ARMC10: variants seen among roughly 807,000 people sequenced by gnomAD.
ARMC10 encodes armadillo repeat containing 10.
Under a neutral mutation model 30.2 loss-of-function variants are expected in ARMC10, and 23 were observed. The ratio of observed to expected loss-of-function variants is 0.76; its 90% CI spans 0.55 to 1.08. The LOEUF is 1.08. Ranked by LOEUF, ARMC10 falls within the 50% of genes least tolerant of loss-of-function variation. The pLI is 0.00. For synonymous variants in ARMC10, 111 were observed against 164.4 expected, an observed-to-expected ratio of 0.68 and a Z score of 2.48; for missense variants, 303 against 413.7, an observed-to-expected ratio of 0.73 and a Z score of 2.32.
chr7:103,083,558 C>A, intron 2 of ARMC10, 124 bp from the exon 3 acceptor site: 1 of 804,580 alleles, frequency 1.2e-6, no homozygotes, highest in Non-Finnish European at 1.9e-6. Context: ...CCCAGGAGAT[C>A]AAGGTTGTAG....
At chr7:103,097,496 G>GAA in intron 6 of ARMC10, 148 bp downstream of exon 6, 1 of 516,780 alleles carries the variant, frequency 1.9e-6, no homozygotes, top group Non-Finnish European at 3.2e-6. Flanking sequence ...CATTTTGTAT[G>GAA]TGTAAATTTC....
chr7:103,089,917 A>G (rs956307624), intron 4 of ARMC10, among the ~76,000 whole-genome samples: 1 of 152,244 alleles, frequency 6.6e-6, no homozygotes, highest in African/African-American at 2.4e-5. Context: ...AAGGAAGGAT[A>G]AGGCAAGTCC....
At chr7:103,084,613 C>T (rs1032815049) in intron 3 of ARMC10, among the ~76,000 whole-genome samples, 9 of 152,124 alleles carry the variant, frequency 5.9e-5, no homozygotes, top group African/African-American at 9.7e-5. Context: ...ACTTGGACAG[C>T]GAAGAATAGC....
At chr7:103,080,474 C>T (rs984222348) in intron 2 of ARMC10, among the ~76,000 whole-genome samples, 3 of 151,034 alleles carry the variant, frequency 2.0e-5, no homozygotes, top group African/African-American at 4.9e-5. Context: ...AGGCTGGTCT[C>T]GAACTCCTGA....
chr7:103,084,940 G>A (rs1448887130), intron 3 of ARMC10, among the ~76,000 whole-genome samples: 2 of 152,174 alleles, frequency 1.3e-5, no homozygotes, highest in Non-Finnish European at 2.9e-5. Flanking sequence ...TGGTTCACAT[G>A]AGCATCCTGC....
At chr7:103,080,920 T>C (rs998054148) in intron 2 of ARMC10, among the ~76,000 whole-genome samples, 1 of 152,084 alleles carries the variant, frequency 6.6e-6, no homozygotes, top group Non-Finnish European at 1.5e-5. Context: ...GCCACCGCAT[T>C]CAGCTAGGCT....
chr7:103,098,137 T>C (rs1047163390), intron 6 of ARMC10, among the ~76,000 whole-genome samples, 162 bp from the exon 7 acceptor site: 58 of 152,086 alleles, frequency 3.8e-4, no homozygotes, highest in Non-Finnish European at 6.8e-4. Context: ...AAATTTTGGG[T>C]TTTCTGTGAC....
At chr7:103,092,758 C>CA in intron 5 of ARMC10, 105 bp downstream of exon 5, 1 of 768,908 alleles carries the variant, frequency 1.3e-6, no homozygotes, top group Non-Finnish European at 1.9e-6. Flanking sequence ...TAAAAACTCA[C>CA]ATGGGCCCAA....
intron 2 of ARMC10, among the ~76,000 whole-genome samples, chr7:103,079,019 A>G (rs1228161165): frequency 6.6e-6 from 1 of 152,180 alleles, no homozygotes; most frequent in African/African-American, 2.4e-5. Context: ...AAAAAATAAA[A>G]AATAAAATAA....
chr7:103,086,828 A>C, intron 4 of ARMC10, 64 bp downstream of exon 4: 1 of 1,567,246 alleles, frequency 6.4e-7, no homozygotes, highest in South Asian at 1.2e-5. Context: ...CAAAAAGATG[A>C]GTAATGAAAC....
At chr7:103,081,463 C>G (rs1800374212) in intron 2 of ARMC10, among the ~76,000 whole-genome samples, 1 of 152,190 alleles carries the variant, frequency 6.6e-6, no homozygotes, top group South Asian at 2.1e-4. Context: ...CCTCTGCCTC[C>G]CAGGCTCAAG....
intron 3 of ARMC10, among the ~76,000 whole-genome samples, chr7:103,086,429 T>A (rs1366021771): frequency 6.6e-6 from 1 of 152,160 alleles, no homozygotes; most frequent in South Asian, 2.1e-4. Flanking sequence ...CTTAATAATC[T>A]TATTTTCAAT....
At position 103,083,723 on chromosome 7, in the gene ARMC10, G is replaced by T. The variant is rs1052782940; in HGVS notation, c.286G>T (p.Glu96Ter). ...DGSYDDVLNA[E>*]QLQKLLYLLE... is the part of the protein sequence containing the mutation. ...TTCATATGATGATGTTCTAAATGCT[G>T]AACAACTTCAGAAACTCCTTTACCT... Residue 96 changes from glutamate (E) to a stop codon, truncating the protein, a stop_gained, in exon 3 of 7, where the codon GAA becomes TAA. Transcript: ENST00000323716. LOFTEE classifies it high-confidence loss of function. The T allele has an allele frequency of 7.4e-6, 12 of 1,613,424 alleles. No homozygotes were observed. The highest frequency in any genetic ancestry group is 7.6e-6 in the Non-Finnish European group (9 of 1,179,506).
intron 5 of ARMC10, among the ~76,000 whole-genome samples, chr7:103,095,110 C>T (rs1210264942): frequency 6.6e-6 from 1 of 152,174 alleles, no homozygotes; most frequent in Non-Finnish European, 1.5e-5. Flanking sequence ...ACTTTTCTTT[C>T]TCTTTTTTGA....
intron 2 of ARMC10, among the ~76,000 whole-genome samples, chr7:103,077,407 G>C (rs139637456): frequency 6.6e-6 from 1 of 152,140 alleles, no homozygotes; most frequent in Non-Finnish European, 1.5e-5. Context: ...ATTTCTTAGA[G>C]TTATGGAAGC....
chr7:103,091,772 A>G lies in ARMC10; in HGVS notation c.529-705A>G, dbSNP rs533696946. 1.4e-4 allele frequency among the ~76,000 whole-genome samples: 21 copies of G among 152,254 alleles called. No individual in the cohort carries two copies. The East Asian group carries it at 3.5e-3, about 25-fold the overall frequency. ...GGTGGACTAAGATGGGAGGCCTCCA[A>G]CCAGGGAGAAGCCACTGGTGTTAAC... On this transcript the variant is annotated intron_variant, in intron 4 of 6. Transcript: ENST00000323716.
Position 103,086,735 on chromosome 7 carries a change from G to A in ARMC10, c.499G>A (p.Val167Met), listed in dbSNP as rs749517792. The A allele has an allele frequency of 3.8e-6, 6 of 1,592,746 alleles. No individual in the cohort carries two copies. In the South Asian group the frequency reaches 4.7e-5, roughly 12 times the overall value. ...KALNALNNLS[V>M]NVENQIKIKI... ...TTTAAATGCACTAAATAACCTGAGT[G>A]TGAATGTTGAAAATCAAATCAAGAT... Residue 167 changes from valine (V) to methionine (M), a missense_variant, in exon 4 of 7, where the codon GTG (valine) becomes ATG (methionine). Val to Met is a conservative substitution (Grantham distance 21). Transcript: ENST00000323716.
intron 4 of ARMC10, chr7:103,089,450 A>G: frequency 5.1e-6 from 1 of 197,242 alleles, no homozygotes; most frequent in African/African-American, 2.3e-5. Flanking sequence ...ATACCAGAGT[A>G]AATGTATGTC....
chr7:103,076,586 C>T (rs780496345), intron 2 of ARMC10, among the ~76,000 whole-genome samples: 2 of 152,220 alleles, frequency 1.3e-5, no homozygotes, highest in Non-Finnish European at 2.9e-5. Context: ...CCTGTAATCC[C>T]AGCACTCTGG....
Sources: gnomAD v4.1 joint callset for allele counts (sites outside exome capture counted in the v4.1 genomes callset) on GRCh38, gnomAD v4.1.1 for gene constraint, MANE v1.5 for transcripts, NCBI Gene and HGNC (gene_info 2026-07-23, HGNC 2026-07-21) for gene names.